ARMCX4: variants seen among roughly 807,000 people sequenced by gnomAD.
ARMCX4 encodes the protein armadillo repeat-containing X-linked protein 4.
ARMCX4 carries 3 observed loss-of-function variants against 34.7 expected under a neutral mutation model. That is an observed-to-expected ratio of 0.09 (90% CI 0.04 to 0.22). ARMCX4 has a LOEUF of 0.22. ARMCX4 is among the 10% of genes least tolerant of loss of function. The pLI is 1.00. For synonymous variants in ARMCX4, 513 were observed against 632.8 expected (o/e 0.81, Z 2.84); for missense variants, 1,448 against 1,720.8 (o/e 0.84, Z 2.81).
At chrX:101,466,501 T>C (rs2147615960) in intron 4 of ARMCX4, among the ~76,000 whole-genome samples, 1 of 111,876 alleles carries the variant, frequency 8.9e-6, no homozygotes, top group South Asian at 3.7e-4. Flanking sequence ...CATCATCTGG[T>C]GAATAAATAA....
intron 4 of ARMCX4, among the ~76,000 whole-genome samples, chrX:101,471,810 T>A (rs1932920435): frequency 1.8e-5 from 2 of 110,725 alleles, no homozygotes. Flanking sequence ...CATCTGTACA[T>A]CACCATCATC....
intron 8 of ARMCX4, among the ~76,000 whole-genome samples, chrX:101,508,458 G>A (rs1381510594): frequency 9.0e-6 from 1 of 111,204 alleles, no homozygotes; most frequent in African/African-American, 3.3e-5. Context: ...CTGTGTGGGC[G>A]TGGAGATAGA....
Position 101,490,526 on chromosome X carries a change from A to G in ARMCX4, c.1937A>G (p.Asn646Ser), listed in dbSNP as rs1556008489. ...GGTGAGGCCTTGCTTGGCACCAAGA[A>G]TAAAGTTAAGGGTAATCCCAATGTT... Reference protein sequence around the residue: ...FQGEALLGTKNKVKGNPNVVL... With the variant: ...FQGEALLGTKSKVKGNPNVVL... The change falls in exon 6 of 6, where the codon AAT becomes AGT. Residue 646 changes from asparagine to serine, a missense_variant. Around this residue, in one of 2 missense-constraint regions of ARMCX4, gnomAD observed 1,343 missense variants for 1,540.7 expected, o/e 0.87. Transcript: ENST00000423738. 1 of 1,156,251 alleles carries G rather than the reference A, an allele frequency of 8.6e-7. No homozygotes were observed. Among genetic ancestry groups the G allele is most frequent in the East Asian group, 3.3e-5 (1 of 30,766 alleles).
intron 11 of ARMCX4, among the ~76,000 whole-genome samples, chrX:101,511,919 C>CT (rs1190863347): frequency 4.0e-4 from 42 of 104,020 alleles, no homozygotes; most frequent in East Asian, 3.9e-3. Flanking sequence ...TTAATTATTC[C>CT]TTTTTTTTTT....
chrX:101,466,841 A>G lies in ARMCX4; in HGVS notation c.-472-19182A>G, dbSNP rs782458214. Among the ~76,000 whole-genome samples the G allele has an allele frequency of 7.1e-5, 8 of 112,025 alleles. No homozygotes were observed. In the East Asian group the frequency reaches 2.0e-3, roughly 28 times the overall value. ...CAGAACTCATAGAACTTTACACCCT[A>G]GAAGAACAAACTTTACTGTGTGTAA... On this transcript the variant is annotated intron_variant and NMD_transcript_variant, in intron 4 of 15. Transcript: ENST00000433011.
chrX:101,446,152 A>G (rs2067078073), downstream of ARMCX4: 1 of 111,955 alleles, frequency 8.9e-6, no homozygotes, highest in African/African-American at 3.2e-5. Flanking sequence ...AAACAATTTT[A>G]CTTCCTGCAG....
At chrX:101,423,493 T>C (rs1306962105) in intron 2 of ARMCX4, among the ~76,000 whole-genome samples, 1 of 108,209 alleles carries the variant, frequency 9.2e-6, no homozygotes, top group East Asian at 3.1e-4. Flanking sequence ...GACACATGCC[T>C]GTAATCCCAG....
At chrX:101,487,507 G>T in intron 3 of ARMCX4, 101 bp from the exon 4 acceptor site, 1 of 326,458 alleles carries the variant, frequency 3.1e-6, no homozygotes, top group Non-Finnish European at 5.4e-6. Context: ...TATAGAACCT[G>T]GGCTCTGGCG....
intron 2 of ARMCX4, among the ~76,000 whole-genome samples, chrX:101,486,314 A>T (rs960569754): frequency 2.5e-4 from 28 of 111,352 alleles, no homozygotes; most frequent in Non-Finnish European, 4.9e-4. Flanking sequence ...CATTTCAGAT[A>T]ATATTGAGAA....
chrX:101,435,123 C>CA (rs1930624195), intron 2 of ARMCX4, among the ~76,000 whole-genome samples: 1 of 111,668 alleles, frequency 9.0e-6, no homozygotes. Context: ...TGTATAGCAG[C>CA]ATGTTTTATA....
chrX:101,515,391 T>TTCTTTTTCTTTCTTTCCCTCCC (rs1556017487), intron 11 of ARMCX4, among the ~76,000 whole-genome samples: 1 of 18,194 alleles, frequency 5.5e-5, no homozygotes, highest in African/African-American at 2.3e-4. Context: ...TTTTCTTTCT[T>TTCTTTTTCTTTCTTTCCCTCCC]TCCCTCCCTC....
chrX:101,428,661 T>C (rs945248962), intron 2 of ARMCX4, among the ~76,000 whole-genome samples: 9 of 111,457 alleles, frequency 8.1e-5, no homozygotes, highest in African/African-American at 2.9e-4. Flanking sequence ...AGAGAGTTGA[T>C]GGCACATCAG....
At chrX:101,467,091 A>G (rs1378232699) in intron 4 of ARMCX4, among the ~76,000 whole-genome samples, 2 of 112,202 alleles carry the variant, frequency 1.8e-5, no homozygotes, top group Non-Finnish European at 3.8e-5. Flanking sequence ...GTAAAATTAT[A>G]TATAGAGAAA....
chrX:101,525,195 C>T (rs1337625086), intron 11 of ARMCX4, among the ~76,000 whole-genome samples: 8 of 111,947 alleles, frequency 7.1e-5, no homozygotes, highest in African/African-American at 2.6e-4. Context: ...TGGAGTGGAC[C>T]TCCAGCAAAC....
intron 7 of ARMCX4, among the ~76,000 whole-genome samples, chrX:101,504,346 G>A (rs2147693268): frequency 9.0e-6 from 1 of 111,252 alleles, no homozygotes; most frequent in South Asian, 3.8e-4. Flanking sequence ...AGCTTGATGG[G>A]GATGGCATTG....
chrX:101,531,052 G>A (rs140323613), intron 11 of ARMCX4, among the ~76,000 whole-genome samples: 26 of 111,589 alleles, frequency 2.3e-4, no homozygotes, highest in African/African-American at 8.4e-4. Flanking sequence ...GGTTGAAAGG[G>A]CTGTGTTACC....
At chrX:101,499,068 A>T (rs997708012), downstream of ARMCX4, 8 of 112,267 alleles carry the variant, frequency 7.1e-5, no homozygotes, top group African/African-American at 1.9e-4. Context: ...GAGTTTCGGG[A>T]CATAACCTAG....
chrX:101,468,451 C>T (rs1556002403), intron 4 of ARMCX4, among the ~76,000 whole-genome samples: 1 of 108,873 alleles, frequency 9.2e-6, no homozygotes, highest in Non-Finnish European at 1.9e-5. Flanking sequence ...GCCACCATGC[C>T]TGACTAATTT....
At chrX:101,436,052 T>C (rs1283308928) in intron 2 of ARMCX4, among the ~76,000 whole-genome samples, 1 of 111,695 alleles carries the variant, frequency 9.0e-6, no homozygotes, top group African/African-American at 3.2e-5. Context: ...TGTAGCCTTG[T>C]AGCATCGCTT....
Sources: allele counts gnomAD v4.1 joint callset (sites outside exome capture counted in the v4.1 genomes callset), GRCh38; gene constraint gnomAD v4.1.1; regional missense constraint gnomAD v4.1.1; transcripts MANE v1.5; gene names NCBI Gene and HGNC (gene_info 2026-07-23, HGNC 2026-07-21).